Variants in ZNF385D observed in about 807,000 individuals in gnomAD.
The protein encoded by ZNF385D is zinc finger protein 385D.
ZNF385D carries 15 observed loss-of-function variants against 35.8 expected under a neutral mutation model. The ratio of observed to expected loss-of-function variants is 0.42; its 90% confidence interval spans 0.28 to 0.64. ZNF385D has a LOEUF of 0.64. ZNF385D is among the 30% of genes least tolerant of loss of function. The pLI is 0.23. For missense variants in ZNF385D, 474 were observed against 494.6 expected, an observed-to-expected ratio of 0.96 and a Z score of 0.39; for synonymous variants, 212 against 186.8, an observed-to-expected ratio of 1.13 and a Z score of -1.10.
chr3:21,794,173 C>A (rs1241155997), intron 3 of ZNF385D, among the ~76,000 whole-genome samples: 1 of 152,120 alleles, frequency 6.6e-6, no homozygotes, highest in Non-Finnish European at 1.5e-5. Context: ...TGATCTCTAC[C>A]TTTGCGTTCT....
intron 2 of ZNF385D, among the ~76,000 whole-genome samples, chr3:22,326,592 A>G (rs1369109650): frequency 6.6e-6 from 1 of 152,226 alleles, no homozygotes; most frequent in African/African-American, 2.4e-5. Flanking sequence ...AAAGGCAGGA[A>G]GAAACCTGCC....
intron 5 of ZNF385D, among the ~76,000 whole-genome samples, chr3:21,435,933 C>A (rs1299847567): frequency 4.6e-5 from 7 of 152,146 alleles, no homozygotes; most frequent in Non-Finnish European, 1.5e-5. Context: ...GTCTTGAAGT[C>A]AATACTTGAA....
At chr3:21,890,630 T>TAA in intron 3 of ZNF385D, among the ~76,000 whole-genome samples, 1 of 149,172 alleles carries the variant, frequency 6.7e-6, no homozygotes, top group Non-Finnish European at 1.5e-5. Flanking sequence ...GAAAAGAAAA[T>TAA]AAAAGAGAAG....
At chr3:21,767,417 T>A (rs1352001617) in intron 3 of ZNF385D, among the ~76,000 whole-genome samples, 1 of 152,130 alleles carries the variant, frequency 6.6e-6, no homozygotes, top group African/African-American at 2.4e-5. Context: ...TTCTATAGCA[T>A]TTCATTTTGT....
intron 1 of ZNF385D, among the ~76,000 whole-genome samples, chr3:21,721,795 T>C (rs1197286989): frequency 6.6e-6 from 1 of 152,148 alleles, no homozygotes; most frequent in Non-Finnish European, 1.5e-5. Flanking sequence ...TGTAACAGTA[T>C]CCTATCTTAA....
chr3:22,109,500 A>T (rs1344838197), intron 3 of ZNF385D, among the ~76,000 whole-genome samples: 1 of 152,120 alleles, frequency 6.6e-6, no homozygotes, highest in East Asian at 1.9e-4. Flanking sequence ...AGAGCTACTG[A>T]TGTTTGGAAA....
At chr3:21,691,965 G>C (rs537508895) in intron 1 of ZNF385D, among the ~76,000 whole-genome samples, 10 of 152,120 alleles carry the variant, frequency 6.6e-5, no homozygotes, top group African/African-American at 2.4e-4. Flanking sequence ...TCTCCTAGGC[G>C]TGGAGTCATA....
intron 3 of ZNF385D, among the ~76,000 whole-genome samples, chr3:22,016,659 C>T (rs565009858): frequency 6.6e-6 from 1 of 152,134 alleles, no homozygotes; most frequent in Non-Finnish European, 1.5e-5. Flanking sequence ...TAGGGGCTTT[C>T]TTAGCTCACA....
intron 3 of ZNF385D, among the ~76,000 whole-genome samples, chr3:21,923,314 T>C (rs1483609319): frequency 6.6e-6 from 1 of 151,642 alleles, no homozygotes; most frequent in Non-Finnish European, 1.5e-5. Flanking sequence ...TGAGATACCA[T>C]CTCACACTAC....
At chr3:21,979,525 A>G (rs1378941822) in intron 3 of ZNF385D, 1 of 152,186 alleles carries the variant, frequency 6.6e-6, no homozygotes, top group Non-Finnish European at 1.5e-5. Flanking sequence ...TTTTTTACAA[A>G]ATATGTGGAT....
At chr3:21,931,144 A>G (rs1700987769) in intron 3 of ZNF385D, among the ~76,000 whole-genome samples, 1 of 152,170 alleles carries the variant, frequency 6.6e-6, no homozygotes, top group African/African-American at 2.4e-5. Flanking sequence ...TGGAGAAAGG[A>G]TCTGATTGAA....
Position 22,127,028 on chromosome 3 carries a change from A to G in ZNF385D, c.325+41789T>C, listed in dbSNP as rs1184949677. Among the ~76,000 whole-genome samples the G allele has an allele frequency of 2.0e-5, 3 of 152,040 alleles. No homozygotes were observed. The East Asian group carries it at 5.8e-4, about 29-fold the overall frequency. ...TTTTTGGCTTTCATTAGTATGGAAT[A>G]TCTTTTTCCATCTCATTATTTTCAG... On this transcript the variant is annotated intron_variant, in intron 3 of 5. Coordinates refer to the ZNF385D transcript ENST00000494108.
intron 3 of ZNF385D, among the ~76,000 whole-genome samples, chr3:21,852,564 A>C (rs1287307620): frequency 6.6e-6 from 1 of 151,992 alleles, no homozygotes; most frequent in Non-Finnish European, 1.5e-5. Context: ...TTATCAAAAG[A>C]ATTCTGAAAA....
chr3:21,514,586 C>A (rs1707442316), intron 3 of ZNF385D, among the ~76,000 whole-genome samples: 2 of 152,028 alleles, frequency 1.3e-5, no homozygotes, highest in African/African-American at 4.8e-5. Context: ...GGACTTAAGT[C>A]AACCACAGGC....
intron 2 of ZNF385D, among the ~76,000 whole-genome samples, chr3:22,180,790 A>G (rs1695189528): frequency 6.6e-6 from 1 of 152,192 alleles, no homozygotes; most frequent in Non-Finnish European, 1.5e-5. Flanking sequence ...ATATCTCAAA[A>G]TAATCAGAGC....
rs1046684913 is a variant in ZNF385D, at chr3:22,301,198, A to G, written c.106+71252T>C. 4.6e-5 allele frequency among the ~76,000 whole-genome samples: 7 copies of G among 152,204 alleles called. No individual in the cohort carries two copies. In the South Asian group the frequency reaches 8.3e-4, roughly 18 times the overall value. On this transcript the variant is annotated intron_variant, in intron 2 of 5. Coordinates refer to the ZNF385D transcript ENST00000494108. ...CTGGGCACTGAAAGACAACTACTGC[A>G]TGACCTCACTTATATATGGAATCTT...
intron 3 of ZNF385D, among the ~76,000 whole-genome samples, chr3:21,819,703 T>TAC (rs1205629859): frequency 1.4e-5 from 2 of 146,692 alleles, no homozygotes; most frequent in African/African-American, 4.9e-5. Context: ...TGTGTATATA[T>TAC]ATACACGTAT....
intron 2 of ZNF385D, among the ~76,000 whole-genome samples, chr3:22,309,585 C>G (rs1338582496): frequency 1.3e-5 from 2 of 151,832 alleles, no homozygotes; most frequent in African/African-American, 4.8e-5. Flanking sequence ...TAAAACATGG[C>G]CAGGTCTAGA....
chr3:22,265,656 A>T (rs1157040817), intron 2 of ZNF385D, among the ~76,000 whole-genome samples: 1 of 151,950 alleles, frequency 6.6e-6, no homozygotes. Flanking sequence ...TCACTGAGTG[A>T]TAGAATTTTG....
Sources: allele counts gnomAD v4.1 joint callset (sites outside exome capture counted in the v4.1 genomes callset), GRCh38; gene constraint gnomAD v4.1.1; transcripts MANE v1.5; gene names NCBI Gene and HGNC (gene_info 2026-07-23, HGNC 2026-07-21).